Variants in GSE1 observed in about 807,000 individuals in gnomAD.
GSE1 encodes genetic suppressor element 1.
In GSE1, 32 loss-of-function variants were observed where a neutral mutation model predicts 112.6. The observed-to-expected ratio is 0.28, with a 90% CI of 0.21 to 0.38. The LOEUF (loss-of-function observed/expected upper bound fraction) is 0.38. Ranked by LOEUF, GSE1 falls within the 10% of genes least tolerant of loss-of-function variation. The pLI is 1.00. For missense variants in GSE1, 2,348 were observed against 1,699.2 expected (o/e 1.38, Z -6.71); for synonymous variants, 1,115 against 735.6 (o/e 1.52, Z -8.35).
chr16:85,415,012 A>G (rs938569499), intron 2 of GSE1, among the ~76,000 whole-genome samples: 4 of 151,774 alleles, frequency 2.6e-5, no homozygotes, highest in Admixed American at 6.6e-5. Context: ...TGGTCCAATC[A>G]TAGCTCACAG....
chr16:85,262,736 C>T (rs1264649085), intron 1 of GSE1, among the ~76,000 whole-genome samples: 2 of 152,224 alleles, frequency 1.3e-5, no homozygotes. Flanking sequence ...CTCCCCACAG[C>T]CCAGTTTCCT....
intron 2 of GSE1, chr16:85,490,360 G>C (rs1441478993): frequency 6.6e-6 from 1 of 152,294 alleles, no homozygotes; most frequent in Non-Finnish European, 1.5e-5. Context: ...CACACCCCTG[G>C]GCCTTCGTCT....
At chr16:85,457,943 T>A (rs1246115932) in intron 2 of GSE1, among the ~76,000 whole-genome samples, 1 of 152,194 alleles carries the variant, frequency 6.6e-6, no homozygotes. Context: ...TGGTGTGTAA[T>A]TTTCATACCT....
At chr16:85,326,678 A>G (rs1350493022) in intron 1 of GSE1, among the ~76,000 whole-genome samples, 1 of 152,170 alleles carries the variant, frequency 6.6e-6, no homozygotes, top group Admixed American at 6.5e-5. Context: ...TCTTTTCTTT[A>G]TCAATTCCTC....
intron 2 of GSE1, among the ~76,000 whole-genome samples, chr16:85,421,571 C>T (rs2048845969): frequency 6.6e-6 from 1 of 152,192 alleles, no homozygotes; most frequent in African/African-American, 2.4e-5. Context: ...GATTTTCTGA[C>T]CAGGCGGGGA....
intron 2 of GSE1, among the ~76,000 whole-genome samples, chr16:85,531,765 T>G (rs1005063457): frequency 6.6e-6 from 1 of 152,180 alleles, no homozygotes; most frequent in Admixed American, 6.5e-5. Flanking sequence ...TGGCCCCGGG[T>G]CCTGAGACAA....
intron 2 of GSE1, among the ~76,000 whole-genome samples, chr16:85,634,625 C>G (rs956824594): frequency 1.3e-5 from 2 of 152,174 alleles, no homozygotes; most frequent in Non-Finnish European, 2.9e-5. Flanking sequence ...CACTGCTCAA[C>G]TCCCTGAGGC....
intron 1 of GSE1, among the ~76,000 whole-genome samples, chr16:85,291,091 C>A (rs536112343): frequency 6.6e-6 from 1 of 152,228 alleles, no homozygotes; most frequent in Non-Finnish European, 1.5e-5. Context: ...TCATGGAATC[C>A]TTACAGCAGC....
At chr16:85,662,072 G>A (rs1043008024) in intron 9 of GSE1, among the ~76,000 whole-genome samples, 3 of 152,362 alleles carry the variant, frequency 2.0e-5, no homozygotes, top group African/African-American at 4.8e-5. Context: ...AGGCTAATAA[G>A]ATAGTTTTAA....
At chr16:85,382,942 TACACATGCAC>T (rs547171042) in intron 2 of GSE1, among the ~76,000 whole-genome samples, 15 of 148,340 alleles carry the variant, frequency 1.0e-4, no homozygotes, top group African/African-American at 2.3e-4. Flanking sequence ...ACACAACACG[TACACATGCAC>T]ACACGTGCAC....
chr16:85,480,658 C>T (rs771213872), intron 2 of GSE1, among the ~76,000 whole-genome samples: 1 of 152,146 alleles, frequency 6.6e-6, no homozygotes, highest in African/African-American at 2.4e-5. Flanking sequence ...AGGGACAATC[C>T]ACCCTGGGTG....
chr16:85,345,387 C>T (rs112975674), intron 1 of GSE1, among the ~76,000 whole-genome samples: 1 of 152,172 alleles, frequency 6.6e-6, no homozygotes, highest in East Asian at 1.9e-4. Context: ...AGAGACCATT[C>T]AGCCCACAAA....
chr16:85,635,966 C>T (rs1022131526), intron 2 of GSE1, among the ~76,000 whole-genome samples: 4 of 152,246 alleles, frequency 2.6e-5, no homozygotes, highest in East Asian at 3.9e-4. Context: ...GCTTCCTCTC[C>T]GCTGCCCCAT....
At chr16:85,455,381 A>AAG (rs147528394) in intron 2 of GSE1, among the ~76,000 whole-genome samples, 1,554 of 149,714 alleles carry the variant, frequency 0.01, 21 homozygotes, top group African/African-American at 0.028. Context: ...GGCATTACAA[A>AAG]AGAGAGAGAG....
chr16:85,471,593 T>C (rs2050297575), intron 2 of GSE1, among the ~76,000 whole-genome samples: 1 of 152,176 alleles, frequency 6.6e-6, no homozygotes, highest in Non-Finnish European at 1.5e-5. Flanking sequence ...TTTGCATTTT[T>C]TGTAGACACA....
chr16:85,572,521 A>C (rs1373863484), intron 1 of GSE1, among the ~76,000 whole-genome samples: 2 of 151,706 alleles, frequency 1.3e-5, no homozygotes, highest in Non-Finnish European at 2.9e-5. Context: ...CCACACACAC[A>C]CCGCACACAC....
chr16:85,554,938 T>TC, upstream of GSE1: 1 of 985,244 alleles, frequency 1.0e-6, no homozygotes, highest in South Asian at 4.7e-5. Context: ...AGCGGCACCC[T>TC]CCCCGGGTTT....
intron 2 of GSE1, among the ~76,000 whole-genome samples, chr16:85,461,993 A>C (rs1250231354): frequency 6.6e-6 from 1 of 152,120 alleles, no homozygotes; most frequent in African/African-American, 2.4e-5. Context: ...AGTCACTTAG[A>C]GCCTCGGTGC....
At chr16:85,555,879 A>G (rs1156413760), upstream of GSE1, 3 of 708,984 alleles carry the variant, frequency 4.2e-6, no homozygotes, top group African/African-American at 5.0e-5. Flanking sequence ...CCCCAATTTC[A>G]TCACCCTCAC....
Sources: allele counts gnomAD v4.1 joint callset (sites outside exome capture counted in the v4.1 genomes callset), GRCh38; gene constraint gnomAD v4.1.1; transcripts MANE v1.5; gene names NCBI Gene and HGNC (gene_info 2026-07-23, HGNC 2026-07-21).